Variants in ST8SIA2 observed in about 807,000 individuals in gnomAD.
ST8SIA2 encodes alpha-2,8-sialyltransferase 8B.
Under a neutral mutation model 37.6 loss-of-function variants are expected in ST8SIA2, and 22 were observed. That is an observed-to-expected ratio of 0.58 (90% CI 0.42 to 0.83). The LOEUF is 0.83. Among genes scored for constraint, ST8SIA2 ranks in the 40% least tolerant of loss-of-function variants. The pLI, the probability that ST8SIA2 is intolerant of heterozygous loss-of-function variation, is 0.00. For synonymous variants in ST8SIA2, 205 were observed against 201.2 expected (o/e 1.02, Z -0.16); for missense variants, 382 against 484.7 (o/e 0.79, Z 1.99).
chr15:92,463,071 C>T (rs151082784), intron 5 of ST8SIA2, among the ~76,000 whole-genome samples: 216 of 152,338 alleles, frequency 1.4e-3, no homozygotes, highest in Non-Finnish European at 2.4e-3. Context: ...AGAGATGTGA[C>T]TTGCTCAAAG....
intron 1 of ST8SIA2, among the ~76,000 whole-genome samples, chr15:92,419,551 G>A (rs546319645): frequency 1.4e-4 from 21 of 152,244 alleles, no homozygotes; most frequent in South Asian, 8.3e-4. Context: ...GAAGCCGAAC[G>A]CATAGAGATA....
chr15:92,461,588 T>C (rs948829769), intron 5 of ST8SIA2, among the ~76,000 whole-genome samples: 6 of 152,162 alleles, frequency 3.9e-5, no homozygotes, highest in African/African-American at 7.2e-5. Flanking sequence ...GGAATCTCAA[T>C]CTGAGCCTTG....
At position 92,466,315 on chromosome 15, in the gene ST8SIA2, C is replaced by G. The variant is rs1418301733; in HGVS notation, c.*1930C>G. 1.3e-5 allele frequency: 2 copies of G among 152,162 alleles called. No individual in the cohort carries two copies. Among genetic ancestry groups the G allele is most frequent in the African/African-American group, 2.4e-5 (1 of 41,432 alleles). The allele number at this position is 152,162 out of a possible 1,614,324, so 9.4% of individuals were successfully genotyped here. On this transcript the variant is annotated 3_prime_UTR_variant, in exon 6 of 6. Coordinates refer to ENST00000268164, the MANE Select transcript of ST8SIA2 (RefSeq NM_006011.4). ...CACAGGCGGTGGAAATAATTAATAC[C>G]ATATTTTATACATCTCCAGAGCCTT...
At chr15:92,413,872 C>T (rs1258334422) in intron 1 of ST8SIA2, among the ~76,000 whole-genome samples, 1 of 152,112 alleles carries the variant, frequency 6.6e-6, no homozygotes. Flanking sequence ...TCTGAGGCAG[C>T]CCCCGGTGTG....
intron 1 of ST8SIA2, among the ~76,000 whole-genome samples, chr15:92,395,733 C>T (rs571535776): frequency 6.6e-6 from 1 of 152,278 alleles, no homozygotes; most frequent in Admixed American, 6.5e-5. Flanking sequence ...GGAGGGCCTT[C>T]CTCTAGGCTC....
rs965021609 is a variant in ST8SIA2, at chr15:92,393,897, T to TCGCTGC, written c.-146_-141dup. 262 of 246,076 alleles carry TCGCTGC rather than the reference T, an allele frequency of 1.1e-3. 3 individuals are homozygous for TCGCTGC. The highest frequency in any genetic ancestry group is 1.3e-3 in the Middle Eastern group (1 of 746). 15.2% of individuals were successfully genotyped at this position (246,076 alleles called of 1,614,324 possible). On this transcript the variant is annotated 5_prime_UTR_variant, in exon 1 of 6. Coordinates refer to ENST00000268164, the MANE Select transcript of ST8SIA2 (RefSeq NM_006011.4). The stretch of plus-strand genomic sequence containing the variant: ...GCCGCGCCTGAGCAACCCCTGCCTG[T>TCGCTGC]CGCTGCCGCTGCCGCTGCCGCTGCC...
Position 92,464,611 on chromosome 15 carries a change from A to G in ST8SIA2, c.*226A>G. On this transcript the variant is annotated 3_prime_UTR_variant, in exon 6 of 6. Transcript: ENST00000268164. ...TAGCATTAGGCAGATAGGCCACAGG[A>G]AGAAGGTGTGGAGAACCCACCTGAA... The G allele has an allele frequency of 1.7e-6, 1 of 592,036 alleles. No individual in the cohort carries two copies. 36.7% of individuals were successfully genotyped at this position (592,036 alleles called of 1,614,324 possible).
Position 92,466,450 on chromosome 15 carries a change from T to G in ST8SIA2, c.*2065T>G, listed in dbSNP as rs906666397. ...GGGCCTTGGTGGATTAACCAAGGCC[T>G]TGGATTCCAGAATGTTTCATGGTAA... On this transcript the variant is annotated 3_prime_UTR_variant, in exon 6 of 6. Coordinates refer to ENST00000268164, the MANE Select transcript of ST8SIA2 (RefSeq NM_006011.4). 6.6e-6 allele frequency: 1 copy of G among 152,110 alleles called. No homozygotes were observed. Among genetic ancestry groups the G allele is most frequent in the Non-Finnish European group, 1.5e-5 (1 of 68,012 alleles). 9.4% of individuals were successfully genotyped at this position (152,110 alleles called of 1,614,324 possible). A position where few individuals can be genotyped will look rare whatever the true frequency, so the allele number is the denominator to read the frequency against.
chr15:92,461,477 G>A (rs1028520987), intron 5 of ST8SIA2, among the ~76,000 whole-genome samples: 1 of 152,232 alleles, frequency 6.6e-6, no homozygotes, highest in African/African-American at 2.4e-5. Context: ...AGAGCTCAGT[G>A]TGTAAGGCAG....
rs536642696 is a variant in ST8SIA2, at chr15:92,425,261, A to C, written c.99-4788A>C. ...ATTCCTGTGATTTATTCTAGAGCCA[A>C]ACATCTGCAGCCCAGTTTCTTTGAA... On this transcript the variant is annotated intron_variant, in intron 1 of 5. Transcript: ENST00000268164. Among the ~76,000 whole-genome samples the C allele has an allele frequency of 3.9e-5, 6 of 152,348 alleles. No homozygotes were observed. The East Asian group carries it at 1.2e-3, about 29-fold the overall frequency.
chr15:92,441,553 G>T (rs573488995), intron 4 of ST8SIA2, among the ~76,000 whole-genome samples: 2 of 149,880 alleles, frequency 1.3e-5, no homozygotes. Context: ...CCAGATGTTT[G>T]GGGAACAGAA....
At chr15:92,401,604 C>T (rs1490582687) in intron 1 of ST8SIA2, among the ~76,000 whole-genome samples, 3 of 152,156 alleles carry the variant, frequency 2.0e-5, no homozygotes, top group Non-Finnish European at 2.9e-5. Context: ...CTTGGGATCC[C>T]GATTCACTCC....
chr15:92,415,079 C>G (rs2049577424), intron 1 of ST8SIA2, among the ~76,000 whole-genome samples: 1 of 152,158 alleles, frequency 6.6e-6, no homozygotes, highest in African/African-American at 2.4e-5. Flanking sequence ...GGCTGTTACC[C>G]TTCCAGAGGC....
intron 1 of ST8SIA2, among the ~76,000 whole-genome samples, chr15:92,399,275 T>G (rs1232578434): frequency 6.6e-6 from 1 of 152,242 alleles, no homozygotes; most frequent in East Asian, 1.9e-4. Context: ...ATTTAACAAC[T>G]GCTCCCTCTC....
rs77616292 is a variant in ST8SIA2 at position 92,407,206 on chromosome 15, C to T, written c.98+13044C>T. Among the ~76,000 whole-genome samples the T allele has an allele frequency of 3.3e-5, 5 of 152,238 alleles. No individual in the cohort carries two copies. The East Asian group carries it at 9.6e-4, about 29-fold the overall frequency. On this transcript the variant is annotated intron_variant, in intron 1 of 5. Transcript: ENST00000268164. ...GACTGCTTAGGAAACAGAAAAAGAACTTAAACTGTGTGGCGATCTAGCTGG... is the reference window on the plus strand; with the variant it reads ...GACTGCTTAGGAAACAGAAAAAGAATTTAAACTGTGTGGCGATCTAGCTGG...
intron 5 of ST8SIA2, among the ~76,000 whole-genome samples, chr15:92,451,067 G>A (rs948876479): frequency 2.2e-4 from 33 of 152,146 alleles, no homozygotes; most frequent in African/African-American, 6.3e-4. Context: ...GGGGACAAAC[G>A]TTAACTTGTT....
intron 1 of ST8SIA2, chr15:92,422,590 T>A (rs965517513): frequency 1.3e-5 from 2 of 152,508 alleles, no homozygotes; most frequent in Non-Finnish European, 2.9e-5. Context: ...AGGGCGCTAT[T>A]TCCCACTGTG....
At chr15:92,395,685 G>A (rs1323179125) in intron 1 of ST8SIA2, among the ~76,000 whole-genome samples, 1 of 152,150 alleles carries the variant, frequency 6.6e-6, no homozygotes, top group African/African-American at 2.4e-5. Context: ...AAAGGAAATC[G>A]GGCAAGTCAC....
intron 5 of ST8SIA2, among the ~76,000 whole-genome samples, chr15:92,462,870 A>G (rs2049967152): frequency 6.6e-6 from 1 of 152,250 alleles, no homozygotes; most frequent in African/African-American, 2.4e-5. Context: ...ACCACACATC[A>G]GCATGCGTTC....
Sources: allele counts gnomAD v4.1 joint callset (sites outside exome capture counted in the v4.1 genomes callset), GRCh38; gene constraint gnomAD v4.1.1; transcripts MANE v1.5; gene names NCBI Gene and HGNC (gene_info 2026-07-23, HGNC 2026-07-21).